The following RALYL variants were observed in gnomAD, a reference collection of about 807,000 sequenced individuals.
RALYL encodes the protein RALY RNA binding protein like.
Under a neutral mutation model 35.1 loss-of-function variants are expected in RALYL, and 29 were observed. The observed-to-expected ratio is 0.83, with a 90% CI of 0.61 to 1.13. The LOEUF (loss-of-function observed/expected upper bound fraction) is 1.13, where lower values mean the gene tolerates loss of function less well. Ranked by LOEUF, RALYL falls within the 50% of genes most tolerant of loss-of-function variation. The probability of loss-of-function intolerance (pLI) is 0.00; values close to 1 mark genes in which losing one functional copy is unlikely to be tolerated. For synonymous variants in RALYL, 120 were observed against 127.6 expected (o/e 0.94, Z 0.40); for missense variants, 359 against 360.4 (o/e 1.00, Z 0.03).
At chr8:84,197,188 A>G (rs1429600646) in intron 1 of RALYL, among the ~76,000 whole-genome samples, 2 of 152,208 alleles carry the variant, frequency 1.3e-5, no homozygotes, top group East Asian at 1.9e-4. Context: ...ATTTGAAAAC[A>G]TAATAGAAAA....
intron 2 of RALYL, among the ~76,000 whole-genome samples, chr8:84,656,909 T>G (rs1035311617): frequency 6.6e-6 from 1 of 152,158 alleles, no homozygotes; most frequent in African/African-American, 2.4e-5. Context: ...TATAATTTTA[T>G]AGCTGGAATC....
chr8:84,249,017 A>G (rs772968896), intron 1 of RALYL, among the ~76,000 whole-genome samples: 1 of 152,078 alleles, frequency 6.6e-6, no homozygotes, highest in Non-Finnish European at 1.5e-5. Flanking sequence ...GTAGTCATGG[A>G]ACGAGCATTT....
intron 5 of RALYL, among the ~76,000 whole-genome samples, chr8:84,855,146 A>C (rs1054894822): frequency 6.6e-6 from 1 of 152,198 alleles, no homozygotes; most frequent in Non-Finnish European, 1.5e-5. Context: ...TCCTTGCTCC[A>C]ACCTTGCAGT....
At chr8:84,521,319 C>A (rs2058441768) in intron 1 of RALYL, among the ~76,000 whole-genome samples, 1 of 152,208 alleles carries the variant, frequency 6.6e-6, no homozygotes, top group Non-Finnish European at 1.5e-5. Flanking sequence ...ACTTCCCAAC[C>A]TCAGGAACTG....
rs182987992 is a variant in RALYL at position 84,410,373 on chromosome 8, T to C, written c.-23-118926T>C. 3.3e-5 allele frequency among the ~76,000 whole-genome samples: 5 copies of C among 152,060 alleles called. No individual in the cohort carries two copies. The East Asian group carries it at 9.6e-4, about 29-fold the overall frequency. ...CTCATCTGTAAAATGGGATTCATTA[T>C]GGTAATAACTACATAATCCAGAACA... On this transcript the variant is annotated intron_variant, in intron 1 of 8. Coordinates refer to ENST00000521268, the MANE Select transcript of RALYL (RefSeq NM_173848.7).
chr8:84,701,259 G>T (rs535542984), intron 2 of RALYL, among the ~76,000 whole-genome samples: 3 of 152,102 alleles, frequency 2.0e-5, no homozygotes, highest in African/African-American at 7.2e-5. Context: ...GGAGTACATG[G>T]TCCAAGTTGC....
intron 1 of RALYL, among the ~76,000 whole-genome samples, chr8:84,493,484 A>T (rs939786960): frequency 6.6e-6 from 1 of 152,162 alleles, no homozygotes; most frequent in East Asian, 1.9e-4. Flanking sequence ...TCCTTCAGGA[A>T]TTGCCACACT....
chr8:84,603,833 T>A (rs1208759880), intron 2 of RALYL, among the ~76,000 whole-genome samples: 1 of 152,154 alleles, frequency 6.6e-6, no homozygotes, highest in African/African-American at 2.4e-5. Flanking sequence ...TTCATGAAGG[T>A]GTCTGCTAAA....
intron 2 of RALYL, among the ~76,000 whole-genome samples, chr8:84,534,080 G>C (rs1431072712): frequency 6.6e-6 from 1 of 152,156 alleles, no homozygotes; most frequent in Non-Finnish European, 1.5e-5. Context: ...CTTTGCTGTG[G>C]GCTACAAGTT....
At chr8:84,611,750 C>G (rs1469293889) in intron 2 of RALYL, among the ~76,000 whole-genome samples, 1 of 152,032 alleles carries the variant, frequency 6.6e-6, no homozygotes, top group African/African-American at 2.4e-5. Context: ...TTTTAGAATA[C>G]TTTTCACCTA....
chr8:84,591,846 A>G (rs1813373947), intron 2 of RALYL, among the ~76,000 whole-genome samples: 2 of 152,138 alleles, frequency 1.3e-5, no homozygotes, highest in Non-Finnish European at 1.5e-5. Flanking sequence ...TTGAAACTAT[A>G]ATTTACCTTT....
At position 84,920,882 on chromosome 8, in the gene RALYL, T is replaced by A; in HGVS notation, c.859-12T>A. 1 of 1,355,040 alleles carries A rather than the reference T, an allele frequency of 7.4e-7. No individual in the cohort carries two copies. Among genetic ancestry groups the A allele is most frequent in the Non-Finnish European group, 9.9e-7 (1 of 1,009,678 alleles). The allele number at this position is 1,355,040 out of a possible 1,614,324, so 83.9% of individuals were successfully genotyped here. On this transcript the variant is annotated splice_polypyrimidine_tract_variant and intron_variant, in intron 8 of 8. Transcript: ENST00000521268. ...AATCTCTGTATTTTAAAATTTTTTT[T>A]TATTTTCTCAGTTTCTACAGATAAA...
chr8:84,469,188 A>G (rs2052279659), intron 1 of RALYL, among the ~76,000 whole-genome samples: 1 of 152,078 alleles, frequency 6.6e-6, no homozygotes, highest in Non-Finnish European at 1.5e-5. Flanking sequence ...GCTGGTGAGG[A>G]ACTGTGTTCC....
chr8:84,424,660 T>A (rs2046123702), intron 1 of RALYL, among the ~76,000 whole-genome samples: 1 of 151,802 alleles, frequency 6.6e-6, no homozygotes, highest in Non-Finnish European at 1.5e-5. Context: ...TCTGTTCTGT[T>A]TTTTCCCCAT....
intron 3 of RALYL, among the ~76,000 whole-genome samples, chr8:84,786,557 A>T (rs1394387119): frequency 5.9e-5 from 9 of 151,836 alleles, no homozygotes; most frequent in African/African-American, 2.2e-4. Flanking sequence ...TGTGGTTTTG[A>T]TTTGCATTTC....
intron 1 of RALYL, among the ~76,000 whole-genome samples, chr8:84,525,800 A>G (rs2058835222): frequency 6.6e-6 from 1 of 152,056 alleles, no homozygotes; most frequent in African/African-American, 2.4e-5. Flanking sequence ...TTTATCTTTA[A>G]AAGTCCCATT....
intron 2 of RALYL, among the ~76,000 whole-genome samples, chr8:84,554,123 A>G (rs1323988243): frequency 6.6e-6 from 1 of 152,250 alleles, no homozygotes; most frequent in Non-Finnish European, 1.5e-5. Flanking sequence ...ATGATACAAT[A>G]GTAGTTTTGT....
intron 1 of RALYL, among the ~76,000 whole-genome samples, chr8:84,523,618 A>C: frequency 6.7e-6 from 1 of 148,898 alleles, no homozygotes; most frequent in Non-Finnish European, 1.5e-5. Flanking sequence ...GCACCCACTA[A>C]CTCATCATCT....
chr8:84,664,577 AT>A (rs1235036096), intron 2 of RALYL, among the ~76,000 whole-genome samples: 1 of 151,534 alleles, frequency 6.6e-6, no homozygotes, highest in East Asian at 1.9e-4. Flanking sequence ...GTATTTTATT[AT>A]TTTTGTGGCA....
Sources: gnomAD v4.1 joint callset for allele counts (sites outside exome capture counted in the v4.1 genomes callset) on GRCh38, gnomAD v4.1.1 for gene constraint, MANE v1.5 for transcripts, NCBI Gene and HGNC (gene_info 2026-07-23, HGNC 2026-07-21) for gene names.